The following ERCC6 variants were observed in gnomAD, a reference collection of about 807,000 sequenced individuals.
ERCC6 encodes the protein ERCC excision repair 6, chromatin remodeling factor, also known as DNA excision repair protein ERCC-6.
In ERCC6, 116 loss-of-function variants were observed where a neutral mutation model predicts 158.7. That is an observed-to-expected ratio of 0.73 (90% CI 0.63 to 0.85). The LOEUF (loss-of-function observed/expected upper bound fraction) is 0.85, where lower values mean the gene tolerates loss of function less well. Ranked by LOEUF, ERCC6 falls within the 40% of genes least tolerant of loss-of-function variation. The probability of loss-of-function intolerance (pLI) is 0.00; values close to 1 mark genes in which losing one functional copy is unlikely to be tolerated. For synonymous variants in ERCC6, 678 were observed against 659.3 expected (o/e 1.03, Z -0.43); for missense variants, 1,698 against 1,799.4 (o/e 0.94, Z 1.02).
intron 10 of ERCC6, among the ~76,000 whole-genome samples, chr10:49,480,632 A>G (rs534018647): frequency 3.5e-4 from 54 of 152,366 alleles, no homozygotes; most frequent in Middle Eastern, 6.8e-3. Flanking sequence ...ATGACTTATT[A>G]ATGCCAAAGG....
At chr10:49,523,924 C>CG (rs985048362) in intron 5 of ERCC6, 109 bp downstream of exon 5, 117 of 1,495,278 alleles carry the variant, frequency 7.8e-5, no homozygotes, top group African/African-American at 2.2e-4. Context: ...TCTGTATAAT[C>CG]GGGGGGGTCT....
chr10:49,463,206 T>C (rs1210621852), intron 18 of ERCC6, among the ~76,000 whole-genome samples: 1 of 152,214 alleles, frequency 6.6e-6, no homozygotes, highest in Non-Finnish European at 1.5e-5. Flanking sequence ...ACATACACCT[T>C]ACACACATAG....
chr10:49,452,200 ATTGCT>A (rs1052417687), downstream of ERCC6, among the ~76,000 whole-genome samples: 1 of 151,734 alleles, frequency 6.6e-6, no homozygotes, highest in African/African-American at 2.4e-5. Flanking sequence ...AAGAAAGGTT[ATTGCT>A]TTATTTCTTC....
At chr10:49,452,942 T>A (rs550407484), downstream of ERCC6, among the ~76,000 whole-genome samples, 16 of 152,270 alleles carry the variant, frequency 1.1e-4, no homozygotes, top group African/African-American at 3.8e-4. Context: ...AATCTATCTG[T>A]GTCTTTGAGC....
chr10:49,496,272 T>G (rs913025615), intron 7 of ERCC6, among the ~76,000 whole-genome samples: 1 of 152,184 alleles, frequency 6.6e-6, no homozygotes, highest in African/African-American at 2.4e-5. Context: ...AAATCACCTT[T>G]ACTGTAATTG....
intron 5 of ERCC6, among the ~76,000 whole-genome samples, chr10:49,523,716 G>A (rs1291701731): frequency 6.6e-6 from 1 of 152,086 alleles, no homozygotes; most frequent in East Asian, 1.9e-4. Context: ...ATTCTAGGGT[G>A]ACTGTCGGTA....
At chr10:49,475,562 T>C (rs1850863198) in intron 12 of ERCC6, 2 of 327,916 alleles carry the variant, frequency 6.1e-6, no homozygotes, top group Non-Finnish European at 1.2e-5. Flanking sequence ...TGAAATGACC[T>C]AATCACACTC....
chr10:49,535,688 A>G (rs2132645032), intron 1 of ERCC6, among the ~76,000 whole-genome samples: 1 of 152,382 alleles, frequency 6.6e-6, no homozygotes, highest in Non-Finnish European at 1.5e-5. Context: ...TCAAAAAGCA[A>G]TAGTATTGTA....
chr10:49,477,659 GCTC>G (rs920146979), intron 11 of ERCC6, among the ~76,000 whole-genome samples: 9 of 152,078 alleles, frequency 5.9e-5, no homozygotes, highest in African/African-American at 1.9e-4. Flanking sequence ...TTCCCAGCTA[GCTC>G]CTCCTCTTCT....
At chr10:49,516,238 A>C (rs1285793344) in intron 5 of ERCC6, 2 of 1,614,162 alleles carry the variant, frequency 1.2e-6, no homozygotes, top group South Asian at 1.1e-5. Context: ...TTATAGCCAA[A>C]CCGAATGGGC....
At chr10:49,490,875 C>T (rs1250974937) in intron 8 of ERCC6, among the ~76,000 whole-genome samples, 1 of 152,206 alleles carries the variant, frequency 6.6e-6, no homozygotes, top group Non-Finnish European at 1.5e-5. Context: ...GCACAGAAAG[C>T]TCATCCACTG....
downstream of ERCC6, among the ~76,000 whole-genome samples, chr10:49,451,835 A>G (rs549225230): frequency 1.4e-4 from 21 of 152,318 alleles, no homozygotes; most frequent in African/African-American, 5.1e-4. Context: ...ATTGTTTGGT[A>G]GAACACAGTG....
intron 8 of ERCC6, 138 bp downstream of exon 8, chr10:49,492,976 CAAT>C: frequency 1.2e-6 from 1 of 838,398 alleles, no homozygotes; most frequent in Non-Finnish European, 1.9e-6. Context: ...TAAAGTAAGT[CAAT>C]AATAATAAAT....
chr10:49,443,479 CA>C, the ERCC6 span, among the ~76,000 whole-genome samples: 6 of 152,196 alleles, frequency 3.9e-5, no homozygotes, highest in African/African-American at 1.4e-4. Flanking sequence ...TCACAGCCCT[CA>C]GAACATTGCA....
intron 7 of ERCC6, among the ~76,000 whole-genome samples, chr10:49,497,273 C>T (rs1015081598): frequency 6.6e-6 from 1 of 152,232 alleles, no homozygotes; most frequent in African/African-American, 2.4e-5. Context: ...TTCTATCCTC[C>T]AAGGGGAATA....
intron 5 of ERCC6, among the ~76,000 whole-genome samples, chr10:49,522,874 T>C (rs1837206042): frequency 6.6e-6 from 1 of 152,186 alleles, no homozygotes; most frequent in Admixed American, 6.5e-5. Flanking sequence ...CCCTCATCTG[T>C]GCATTACTAC....
intron 5 of ERCC6, among the ~76,000 whole-genome samples, chr10:49,520,776 CCT>C (rs1249560586): frequency 6.6e-6 from 1 of 152,176 alleles, no homozygotes; most frequent in Non-Finnish European, 1.5e-5. Context: ...ACCTGCCCTC[CCT>C]GTCCTCAGCC....
chr10:49,488,845 G>A (rs1051826009), intron 8 of ERCC6, among the ~76,000 whole-genome samples: 26 of 151,938 alleles, frequency 1.7e-4, no homozygotes, highest in African/African-American at 5.3e-4. Flanking sequence ...GTGCAGTGGC[G>A]TGATCTCAGC....
chr10:49,467,076 C>T (rs1850691052), intron 18 of ERCC6, among the ~76,000 whole-genome samples: 1 of 152,198 alleles, frequency 6.6e-6, no homozygotes, highest in African/African-American at 2.4e-5. Flanking sequence ...CCAAGCCCCA[C>T]CTGTCGACTA....
Sources: allele counts gnomAD v4.1 joint callset (sites outside exome capture counted in the v4.1 genomes callset), GRCh38; gene constraint gnomAD v4.1.1; transcripts MANE v1.5; gene names NCBI Gene and HGNC (gene_info 2026-07-23, HGNC 2026-07-21).